The following BEGAIN variants were observed in gnomAD, a reference collection of about 807,000 sequenced individuals.
BEGAIN encodes the protein brain-enriched guanylate kinase-associated protein.
BEGAIN carries 19 observed loss-of-function variants against 35.8 expected under a neutral mutation model. The observed-to-expected ratio is 0.53, with a 90% CI of 0.37 to 0.78. The LOEUF (loss-of-function observed/expected upper bound fraction) is 0.78. BEGAIN is among the 30% of genes least tolerant of loss of function. The probability of loss-of-function intolerance (pLI) is 0.00; values close to 1 mark genes in which losing one functional copy is unlikely to be tolerated. For synonymous variants in BEGAIN, 462 were observed against 388.6 expected, an observed-to-expected ratio of 1.19 and a Z score of -2.22; for missense variants, 795 against 853.6, an observed-to-expected ratio of 0.93 and a Z score of 0.85.
chr14:100,557,052 G>A (rs555130545), intron 2 of BEGAIN, among the ~76,000 whole-genome samples: 3 of 151,852 alleles, frequency 2.0e-5, no homozygotes, highest in Non-Finnish European at 2.9e-5. Context: ...TCCCAGCGCC[G>A]GCTCTGCCGG....
chr14:100,552,384 G>A (rs934264321), intron 2 of BEGAIN, among the ~76,000 whole-genome samples: 1 of 152,202 alleles, frequency 6.6e-6, no homozygotes, highest in Non-Finnish European at 1.5e-5. Flanking sequence ...CTCATTCTCA[G>A]CCTGTGGCGT....
In BEGAIN at chr14:100,537,966, C is replaced by A; in HGVS notation, c.*3G>T. On this transcript the variant is annotated 3_prime_UTR_variant, in exon 7 of 7. Transcript: ENST00000554140. ...AACCACGGCCAGGCCTGCACGCAGG[C>A]GCTCAGTTGAGCAAGGTTCCGTAGA... 3.7e-6 allele frequency: 6 copies of A among 1,603,150 alleles called. No homozygotes were observed. The highest frequency in any genetic ancestry group is 5.1e-6 in the Non-Finnish European group (6 of 1,176,036).
chr14:100,560,055 G>A (rs531226814), intron 2 of BEGAIN, among the ~76,000 whole-genome samples: 1 of 152,346 alleles, frequency 6.6e-6, no homozygotes, highest in South Asian at 2.1e-4. Flanking sequence ...AGGGTCATGT[G>A]GACTATTTAC....
chr14:100,569,059 G>T, intron 1 of BEGAIN: 1 of 530,792 alleles, frequency 1.9e-6, no homozygotes, highest in Non-Finnish European at 2.4e-6. Flanking sequence ...TAGAAGGCCC[G>T]GCCCCGGGGC....
intron 1 of BEGAIN, among the ~76,000 whole-genome samples, chr14:100,584,888 C>T (rs768716354): frequency 4.6e-5 from 7 of 152,170 alleles, no homozygotes; most frequent in Admixed American, 3.3e-4. Context: ...ACCAACACGG[C>T]GAGTCCTAGG....
At chr14:100,546,082 G>A (rs10143436) in intron 3 of BEGAIN, 2,438 of 162,886 alleles carry the variant, frequency 0.015, 84 homozygotes, top group African/African-American at 0.055. Context: ...CAAGGGAAGG[G>A]TCCCTAAACT....
chr14:100,584,114 TCATGCACCTCTTAATCCCAG>T (rs1303372818), intron 1 of BEGAIN, among the ~76,000 whole-genome samples: 1 of 152,176 alleles, frequency 6.6e-6, no homozygotes, highest in African/African-American at 2.4e-5. Flanking sequence ...CTTCTCCACC[TCATGCACCTCTTAATCCCAG>T]CATGCACCCA....
rs1014365828 is a variant in BEGAIN at position 100,563,046 on chromosome 14, G to A, written c.71+4865C>T. 9.2e-5 allele frequency among the ~76,000 whole-genome samples: 14 copies of A among 152,202 alleles called. No individual in the cohort carries two copies. Among genetic ancestry groups the A allele is most frequent in the Non-Finnish European group, 7.3e-5 (5 of 68,038 alleles). On this transcript the variant is annotated intron_variant, in intron 2 of 6. Coordinates refer to ENST00000554140, the MANE Select transcript of BEGAIN (RefSeq NM_001385089.1). The surrounding 1 kb of genome is among the most constrained non-coding windows in gnomAD (Gnocchi z 4.2). ...GTGCCCTTTGAGGGGGGGCGTGGAG[G>A]GGCAGGGCAGGACAGGGTCAGGACC...
chr14:100,565,906 G>A (rs2034645635), intron 2 of BEGAIN, among the ~76,000 whole-genome samples: 2 of 152,224 alleles, frequency 1.3e-5, no homozygotes, highest in South Asian at 2.1e-4. Context: ...CAAACCCTGT[G>A]CCCTTCTGTG....
Position 100,537,828 on chromosome 14 carries a change from A to G in BEGAIN, c.*141T>C. 7.8e-7 allele frequency: 1 copy of G among 1,278,534 alleles called. No homozygotes were observed. The highest frequency in any genetic ancestry group is 1.0e-6 in the Non-Finnish European group (1 of 967,390). 79.2% of individuals were successfully genotyped at this position (1,278,534 alleles called of 1,614,324 possible). A position where few individuals can be genotyped will look rare whatever the true frequency, so the allele number is the denominator to read the frequency against. Reference sequence around the variant, plus strand: ...CCTCAGGCCTACAGGGCTGGGGAGGAGAGGAGGTGCGGGGAGGAACAGACT... The same window carrying G: ...CCTCAGGCCTACAGGGCTGGGGAGGGGAGGAGGTGCGGGGAGGAACAGACT... On this transcript the variant is annotated 3_prime_UTR_variant, in exon 7 of 7. Coordinates refer to ENST00000554140, the MANE Select transcript of BEGAIN (RefSeq NM_001385089.1).
intron 1 of BEGAIN, among the ~76,000 whole-genome samples, chr14:100,580,810 A>G (rs1445199681): frequency 6.6e-6 from 1 of 152,178 alleles, no homozygotes. Context: ...TTCTTGAATG[A>G]CTGACTGAAT....
Position 100,538,532 on chromosome 14 carries a change from C to T in BEGAIN, c.1276G>A (p.Ala426Thr), listed in dbSNP as rs1309567768. The T allele has an allele frequency of 1.3e-6, 2 of 1,514,662 alleles. No homozygotes were observed. The highest frequency in any genetic ancestry group is 1.4e-5 in the African/African-American group (1 of 72,350). 93.8% of individuals were successfully genotyped at this position (1,514,662 alleles called of 1,614,324 possible). A position where few individuals can be genotyped will look rare whatever the true frequency, so the allele number is the denominator to read the frequency against. ...CTCATGTCCTCCCCGGGGAGCCGGGCGGTCCCCGGCTTGGCCCGCAGGCTC... is the reference window on the plus strand; with the variant it reads ...CTCATGTCCTCCCCGGGGAGCCGGGTGGTCCCCGGCTTGGCCCGCAGGCTC... ...LWSLRAKPGT[A>T]RLPGEDMRGQ... The change falls in exon 7 of 7, where the codon GCC becomes ACC. Residue 426 changes from alanine (A) to threonine (T), a missense_variant. Coordinates refer to ENST00000554140, the MANE Select transcript of BEGAIN (RefSeq NM_001385089.1).
chr14:100,551,329 G>A (rs2033174314), intron 2 of BEGAIN, among the ~76,000 whole-genome samples: 2 of 152,144 alleles, frequency 1.3e-5, no homozygotes, highest in African/African-American at 4.8e-5. Flanking sequence ...GGATCAGCTG[G>A]AGGGCTCGCA....
At chr14:100,547,047 A>C in intron 2 of BEGAIN, 1 of 163,490 alleles carries the variant, frequency 6.1e-6, no homozygotes, top group East Asian at 1.7e-4. Flanking sequence ...CCAGGCTATC[A>C]CAGAGCTGGC....
At chr14:100,582,695 C>T (rs879652449) in intron 1 of BEGAIN, among the ~76,000 whole-genome samples, 13 of 152,118 alleles carry the variant, frequency 8.5e-5, no homozygotes, top group Non-Finnish European at 1.6e-4. Flanking sequence ...GCAAGGACGC[C>T]CCTGTAGGAA....
In BEGAIN at chr14:100,586,009, T is replaced by C. The variant is rs2035437086; in HGVS notation, c.42+1240A>G. Among the ~76,000 whole-genome samples the C allele has an allele frequency of 6.6e-6, 1 of 152,226 alleles. No individual in the cohort carries two copies. The highest frequency in any genetic ancestry group is 2.4e-5 in the African/African-American group (1 of 41,468). On this transcript the variant is annotated intron_variant, in intron 1 of 6. Coordinates refer to ENST00000554140, the MANE Select transcript of BEGAIN (RefSeq NM_001385089.1). This position sits in a 1 kb window ranked among gnomAD's most constrained non-coding sequence, Gnocchi z 4.9. ...AAATTAAGGGTTTGCAGGATGCTGC[T>C]GGGGCCCTCTCTGCCGTCTCCCCGC...
intron 1 of BEGAIN, among the ~76,000 whole-genome samples, chr14:100,575,769 G>A (rs1324934504): frequency 2.0e-5 from 3 of 152,132 alleles, no homozygotes; most frequent in Non-Finnish European, 4.4e-5. Context: ...GGGTTCCCGG[G>A]TGGGGCCACT....
intron 2 of BEGAIN, among the ~76,000 whole-genome samples, chr14:100,550,073 CGTG>C (rs2140570949): frequency 6.6e-6 from 1 of 152,254 alleles, no homozygotes; most frequent in Non-Finnish European, 1.5e-5. Flanking sequence ...GTGTGGTGTG[CGTG>C]TGCGTGCGCA....
intron 1 of BEGAIN, among the ~76,000 whole-genome samples, chr14:100,583,054 C>T (rs1403483184): frequency 2.0e-5 from 3 of 150,894 alleles, no homozygotes; most frequent in East Asian, 1.9e-4. Context: ...GTGCCATCCA[C>T]GCACCAACAC....
Sources: allele counts gnomAD v4.1 joint callset (sites outside exome capture counted in the v4.1 genomes callset), GRCh38; gene constraint gnomAD v4.1.1; non-coding constraint Gnocchi (gnomAD v3.1); transcripts MANE v1.5; gene names NCBI Gene and HGNC (gene_info 2026-07-23, HGNC 2026-07-21).